The following PCDH9 variants were observed in gnomAD, a reference collection of about 807,000 sequenced individuals.
PCDH9 encodes the protein protocadherin-9.
Under a neutral mutation model 70.6 loss-of-function variants are expected in PCDH9, and 24 were observed. That is an observed-to-expected ratio of 0.34 (90% CI 0.25 to 0.48). The LOEUF is 0.48. Among genes scored for constraint, PCDH9 ranks in the 20% least tolerant of loss-of-function variants. The pLI is 0.99. For synonymous variants in PCDH9, 562 were observed against 558.5 expected (o/e 1.01, Z -0.09); for missense variants, 1,281 against 1,503.6 (o/e 0.85, Z 2.45).
chr13:67,040,700 T>C (rs1211204269), intron 2 of PCDH9, among the ~76,000 whole-genome samples: 1 of 152,096 alleles, frequency 6.6e-6, no homozygotes, highest in East Asian at 1.9e-4. Flanking sequence ...AAAATATATA[T>C]TGAAATACAG....
intron 4 of PCDH9, among the ~76,000 whole-genome samples, chr13:66,494,388 A>T (rs1959081610): frequency 3.3e-5 from 5 of 152,204 alleles, no homozygotes; most frequent in Admixed American, 3.3e-4. Flanking sequence ...ACAACAAATC[A>T]CCAAGCCTGA....
chr13:66,437,312 C>A (rs1367111299), intron 4 of PCDH9, among the ~76,000 whole-genome samples: 8 of 138,494 alleles, frequency 5.8e-5, no homozygotes, highest in African/African-American at 2.1e-4. Flanking sequence ...GAGGCTGAGG[C>A]AGGAGAATGA....
At chr13:66,424,037 C>A (rs1184978738) in intron 4 of PCDH9, among the ~76,000 whole-genome samples, 1 of 152,048 alleles carries the variant, frequency 6.6e-6, no homozygotes, top group Admixed American at 6.6e-5. Context: ...CAATAATAGA[C>A]AAACAGAGAG....
chr13:66,646,450 A>G (rs2077772340), intron 3 of PCDH9, among the ~76,000 whole-genome samples: 1 of 152,244 alleles, frequency 6.6e-6, no homozygotes, highest in African/African-American at 2.4e-5. Flanking sequence ...TGATATATCT[A>G]GCACTTCACA....
chr13:66,911,123 T>C (rs979959182), intron 2 of PCDH9, among the ~76,000 whole-genome samples: 4 of 152,194 alleles, frequency 2.6e-5, no homozygotes, highest in East Asian at 1.9e-4. Context: ...TGTATTCTTA[T>C]AGAAATTTTG....
At chr13:67,047,599 A>T (rs557092774) in intron 2 of PCDH9, among the ~76,000 whole-genome samples, 1 of 152,316 alleles carries the variant, frequency 6.6e-6, no homozygotes, top group Admixed American at 6.5e-5. Context: ...ACCATGAGAC[A>T]TTCTTGATAC....
chr13:67,112,918 A>G (rs1379161603), intron 2 of PCDH9, among the ~76,000 whole-genome samples: 1 of 151,998 alleles, frequency 6.6e-6, no homozygotes, highest in East Asian at 1.9e-4. Flanking sequence ...TTTTGTAGAG[A>G]TGGAGTTTCT....
chr13:66,771,810 T>G (rs1390092679), intron 3 of PCDH9, among the ~76,000 whole-genome samples: 1 of 152,194 alleles, frequency 6.6e-6, no homozygotes, highest in Non-Finnish European at 1.5e-5. Flanking sequence ...CCCCATGGAA[T>G]TATCATCAAT....
chr13:66,820,540 G>A (rs901426572), intron 3 of PCDH9, among the ~76,000 whole-genome samples: 2 of 152,080 alleles, frequency 1.3e-5, no homozygotes, highest in African/African-American at 4.8e-5. Flanking sequence ...TATAAAGACG[G>A]ATACATGTGT....
chr13:67,083,000 A>T (rs925610864), intron 2 of PCDH9, among the ~76,000 whole-genome samples: 2 of 152,192 alleles, frequency 1.3e-5, no homozygotes, highest in Non-Finnish European at 2.9e-5. Context: ...TCAATAGACC[A>T]CATAAGTATT....
intron 2 of PCDH9, among the ~76,000 whole-genome samples, chr13:66,952,430 C>T (rs996989597): frequency 4.6e-5 from 7 of 152,146 alleles, no homozygotes; most frequent in African/African-American, 9.7e-5. Flanking sequence ...AGCATATCAT[C>T]GGTGCTCTAG....
intron 4 of PCDH9, among the ~76,000 whole-genome samples, chr13:66,409,413 A>G (rs562967013): frequency 6.6e-6 from 1 of 152,136 alleles, no homozygotes; most frequent in East Asian, 1.9e-4. Flanking sequence ...TTTTTTCCCT[A>G]TGAAAACACA....
At chr13:66,487,320 A>G (rs1488585183) in intron 4 of PCDH9, among the ~76,000 whole-genome samples, 2 of 152,204 alleles carry the variant, frequency 1.3e-5, no homozygotes, top group Non-Finnish European at 2.9e-5. Flanking sequence ...ATAATTCCTC[A>G]AAGCATTATC....
chr13:67,115,112 G>T (rs1382976671), intron 2 of PCDH9, among the ~76,000 whole-genome samples: 1 of 152,126 alleles, frequency 6.6e-6, no homozygotes, highest in African/African-American at 2.4e-5. Flanking sequence ...TTGACCACAC[G>T]CTAATCTCCC....
chr13:66,486,499 G>T lies in PCDH9; in HGVS notation c.3340+144711C>A, dbSNP rs190145353. Among the ~76,000 whole-genome samples, 9 of 152,070 alleles carry T rather than the reference G, an allele frequency of 5.9e-5. No individual in the cohort carries two copies. In the East Asian group the frequency reaches 1.5e-3, roughly 26 times the overall value. Reference sequence around the variant, plus strand: ...AAAATAAAAAAAATTAGCCAGGCATGATGGCATATGCCTGTAGTCCCAGCT... The same window carrying T: ...AAAATAAAAAAAATTAGCCAGGCATTATGGCATATGCCTGTAGTCCCAGCT... On this transcript the variant is annotated intron_variant, in intron 4 of 4. Transcript: ENST00000377865.
chr13:67,226,377 G>A lies in PCDH9; in HGVS notation c.2064C>T (p.Pro688=), dbSNP rs1039984080. ...CCACGGAGCCAGGAATGGCTGAGAG[G>A]GGCACCAACTTAAAGGAAGTATTAG... The part of the protein sequence containing the change: ...PPSNTSFKLV[P]LSAIPGSVVA... Residue 688 remains proline, a synonymous_variant, in exon 2 of 5, where the codon CCC becomes CCT. Coordinates refer to ENST00000377865, the MANE Select transcript of PCDH9 (RefSeq NM_203487.3). This position sits in a 1 kb window ranked among gnomAD's most constrained non-coding sequence, Gnocchi z 5.0. 2 of 1,614,052 alleles carry A rather than the reference G, an allele frequency of 1.2e-6. No homozygotes were observed. The highest frequency in any genetic ancestry group is 1.7e-6 in the Non-Finnish European group (2 of 1,180,034).
At chr13:66,530,931 C>T (rs921331665) in intron 4 of PCDH9, among the ~76,000 whole-genome samples, 8 of 151,920 alleles carry the variant, frequency 5.3e-5, no homozygotes. Context: ...CTCCCATTTC[C>T]TCAGGCCAGG....
intron 2 of PCDH9, among the ~76,000 whole-genome samples, chr13:67,191,120 C>T (rs2138019351): frequency 6.6e-6 from 1 of 152,000 alleles, no homozygotes; most frequent in Admixed American, 6.6e-5. Flanking sequence ...TGAAGATATC[C>T]CTCTTCTTTT....
chr13:66,985,356 T>G (rs1177870151), intron 2 of PCDH9: 2 of 152,100 alleles, frequency 1.3e-5, no homozygotes, highest in African/African-American at 4.8e-5. Context: ...AATTTAAAAT[T>G]TATTCAAACT....
Sources: gnomAD v4.1 joint callset for allele counts (sites outside exome capture counted in the v4.1 genomes callset) on GRCh38, gnomAD v4.1.1 for gene constraint, Gnocchi (gnomAD v3.1) non-coding constraint, MANE v1.5 for transcripts, NCBI Gene and HGNC (gene_info 2026-07-23, HGNC 2026-07-21) for gene names.